Variants in MAPK8IP3 observed in about 807,000 individuals in gnomAD.
MAPK8IP3 encodes mitogen-activated protein kinase 8 interacting protein 3, also known as C-Jun-amino-terminal kinase-interacting protein 3.
A neutral mutation model predicts 157.8 loss-of-function variants in MAPK8IP3; 49 were observed. That is an observed-to-expected ratio of 0.31 (90% CI 0.25 to 0.39). MAPK8IP3 has a LOEUF of 0.39. MAPK8IP3 is among the 10% of genes least tolerant of loss of function. The pLI, the probability that MAPK8IP3 is intolerant of heterozygous loss-of-function variation, is 1.00. For synonymous variants in MAPK8IP3, 897 were observed against 777.7 expected (o/e 1.15, Z -2.55); for missense variants, 1,478 against 1,889.4 (o/e 0.78, Z 4.04).
chr16:1,763,454 C>G (rs1323515607), intron 16 of MAPK8IP3, among the ~76,000 whole-genome samples: 1 of 152,230 alleles, frequency 6.6e-6, no homozygotes, highest in Non-Finnish European at 1.5e-5. Context: ...AGGGGCATAG[C>G]CGGTGCCAGG....
chr16:1,759,930 G>A (rs1460247423), intron 10 of MAPK8IP3, 28 bp from the exon 11 acceptor site: 1 of 1,609,020 alleles, frequency 6.2e-7, no homozygotes, highest in Non-Finnish European at 8.5e-7. Context: ...GAAGGGCACA[G>A]GTGAAACCTC....
intron 3 of MAPK8IP3, 97 bp from the exon 4 acceptor site, chr16:1,729,390 T>A: frequency 7.4e-7 from 1 of 1,347,056 alleles, no homozygotes; most frequent in South Asian, 1.2e-5. Flanking sequence ...TGTCTTGATT[T>A]CTGCCTGCAC....
intron 20 of MAPK8IP3, among the ~76,000 whole-genome samples, chr16:1,765,627 A>C (rs948913515): frequency 1.3e-5 from 2 of 152,142 alleles, no homozygotes; most frequent in African/African-American, 4.8e-5. Context: ...AGGGGTGCCG[A>C]GGGCTCTGCC....
At chr16:1,738,499 CGTGT>C (rs368703789) in intron 4 of MAPK8IP3, among the ~76,000 whole-genome samples, 34 of 100,842 alleles carry the variant, frequency 3.4e-4, no homozygotes, top group African/African-American at 1.3e-3. Flanking sequence ...TGTGACCGTC[CGTGT>C]GTGTGACCAT....
rs779925919 is a variant in MAPK8IP3, at chr16:1,770,260, G to A, written c.*1436G>A. On this transcript the variant is annotated 3_prime_UTR_variant, in exon 32 of 32. Coordinates refer to ENST00000610761, the MANE Select transcript of MAPK8IP3 (RefSeq NM_001318852.2). ...GGGGTGACGATTCTCCTCAGGCTTT[G>A]GCCCTGCAAGCAAACCCACATATCT... 1.1e-5 allele frequency: 2 copies of A among 176,146 alleles called. No individual in the cohort carries two copies. The highest frequency in any genetic ancestry group is 1.2e-5 in the Non-Finnish European group (1 of 84,180). The allele number at this position is 176,146 out of a possible 1,614,324, so 10.9% of individuals were successfully genotyped here.
chr16:1,717,979 G>A (rs1828442962), intron 1 of MAPK8IP3, among the ~76,000 whole-genome samples: 1 of 151,944 alleles, frequency 6.6e-6, no homozygotes, highest in Admixed American at 6.6e-5. Flanking sequence ...AGCCTCCTGA[G>A]TAGCTGGGAC....
At chr16:1,725,147 G>C (rs977076106) in intron 2 of MAPK8IP3, among the ~76,000 whole-genome samples, 4 of 125,330 alleles carry the variant, frequency 3.2e-5, no homozygotes, top group Non-Finnish European at 6.4e-5. Flanking sequence ...TAGCAGAAAG[G>C]GTTTATTATT....
rs756560388 is a variant in MAPK8IP3 at position 1,759,015 on chromosome 16, C to G, written c.1246+20C>G. The G allele has an allele frequency of 6.2e-7, 1 of 1,614,102 alleles. No homozygotes were observed. The highest frequency in any genetic ancestry group is 8.5e-7 in the Non-Finnish European group (1 of 1,179,948). ...TCTTTGGTAAGGCTGAGGCCCCGTT[C>G]CAGCGTGCGTCGCTCCTCCACCCCG... On this transcript the variant is annotated intron_variant, in intron 10 of 31. Transcript: ENST00000610761.
At position 1,743,932 on chromosome 16, in the gene MAPK8IP3, A is replaced by G. The variant is rs914659526; in HGVS notation, c.747+456A>G. The stretch of plus-strand genomic sequence containing the variant: ...TGTGGGGTTTGCCCTCCGTTGGCAG[A>G]AAGGTGAGGAGAAAGCTCCTCTTCT... On this transcript the variant is annotated intron_variant, in intron 5 of 31. Coordinates refer to ENST00000610761, the MANE Select transcript of MAPK8IP3 (RefSeq NM_001318852.2). The surrounding 1 kb of genome is among the most constrained non-coding windows in gnomAD (Gnocchi z 5.6). 6 of 1,007,794 alleles carry G rather than the reference A, an allele frequency of 6.0e-6. No homozygotes were observed. The African/African-American group carries it at 1.0e-4, about 18-fold the overall frequency. The allele number at this position is 1,007,794 out of a possible 1,614,324, so 62.4% of individuals were successfully genotyped here.
chr16:1,759,878 T>G, intron 10 of MAPK8IP3, 80 bp from the exon 11 acceptor site: 1 of 1,264,320 alleles, frequency 7.9e-7, no homozygotes, highest in Non-Finnish European at 1.2e-6. Context: ...TTGGAAGCGT[T>G]GTTGCCCTGA....
At chr16:1,709,234 C>G (rs2037596925) in intron 1 of MAPK8IP3, among the ~76,000 whole-genome samples, 1 of 152,212 alleles carries the variant, frequency 6.6e-6, no homozygotes, top group Admixed American at 6.5e-5. Flanking sequence ...GCTCTGATAA[C>G]AGGCAGCTGA....
intron 4 of MAPK8IP3, among the ~76,000 whole-genome samples, chr16:1,738,984 A>ATCTG (rs2040363878): frequency 2.3e-5 from 2 of 87,234 alleles, no homozygotes; most frequent in Admixed American, 2.6e-4. Flanking sequence ...CCGTGTGAGC[A>ATCTG]TGTGAGCATC....
At chr16:1,755,423 T>C (rs2041535281) in intron 8 of MAPK8IP3, among the ~76,000 whole-genome samples, 1 of 152,144 alleles carries the variant, frequency 6.6e-6, no homozygotes, top group African/African-American at 2.4e-5. Context: ...CTTGGGCGTC[T>C]GAAGTGGGAG....
chr16:1,730,707 G>A (rs2039251622), intron 4 of MAPK8IP3, among the ~76,000 whole-genome samples: 1 of 152,136 alleles, frequency 6.6e-6, no homozygotes, highest in African/African-American at 2.4e-5. Context: ...GCCGGGTGTG[G>A]TGGCGGGCGC....
intron 4 of MAPK8IP3, among the ~76,000 whole-genome samples, chr16:1,739,880 G>A (rs554530220): frequency 6.5e-5 from 8 of 123,634 alleles, no homozygotes; most frequent in East Asian, 2.5e-4. Context: ...GTGAGCATCC[G>A]TGTGACCGTC....
intron 4 of MAPK8IP3, 74 bp downstream of exon 4, chr16:1,729,652 AG>A: frequency 7.2e-7 from 1 of 1,380,678 alleles, no homozygotes; most frequent in Non-Finnish European, 1.0e-6. Flanking sequence ...GGCACATGCC[AG>A]GGTCGTAGTG....
At chr16:1,763,623 G>A (rs1211679326) in intron 16 of MAPK8IP3, 34 bp from the exon 17 acceptor site, 7 of 1,512,682 alleles carry the variant, frequency 4.6e-6, no homozygotes, top group East Asian at 2.5e-5. Context: ...CGCTCACCCT[G>A]GACAGAGACA....
chr16:1,737,053 CGT>C (rs1297711063), intron 4 of MAPK8IP3, among the ~76,000 whole-genome samples: 3 of 62,156 alleles, frequency 4.8e-5, no homozygotes, highest in African/African-American at 6.2e-5. Context: ...TGTGACCGTC[CGT>C]GTGAGCGTCC....
At chr16:1,755,653 C>T (rs2041549586) in intron 8 of MAPK8IP3, among the ~76,000 whole-genome samples, 1 of 152,006 alleles carries the variant, frequency 6.6e-6, no homozygotes, top group African/African-American at 2.4e-5. Flanking sequence ...TCGAGACCAT[C>T]TTGGCCAACA....
Sources: gnomAD v4.1 joint callset for allele counts (sites outside exome capture counted in the v4.1 genomes callset) on GRCh38, gnomAD v4.1.1 for gene constraint, Gnocchi (gnomAD v3.1) non-coding constraint, MANE v1.5 for transcripts, NCBI Gene and HGNC (gene_info 2026-07-23, HGNC 2026-07-21) for gene names.